Variants in CERS3 observed in about 807,000 individuals in gnomAD.
CERS3 encodes the protein ceramide synthase 3, also known as LAG1 homolog, ceramide synthase 3.
Under a neutral mutation model 50.3 loss-of-function variants are expected in CERS3, and 33 were observed. The observed-to-expected ratio is 0.66, with a 90% CI of 0.50 to 0.88. The LOEUF is 0.88. CERS3 is among the 40% of genes least tolerant of loss of function. The pLI, the probability that CERS3 is intolerant of heterozygous loss-of-function variation, is 0.00. For missense variants in CERS3, 470 were observed against 460.3 expected, an observed-to-expected ratio of 1.02 and a Z score of -0.19; for synonymous variants, 176 against 155.2, an observed-to-expected ratio of 1.13 and a Z score of -0.99.
chr15:100,517,803 G>C (rs1480751907), intron 2 of CERS3, among the ~76,000 whole-genome samples: 1 of 152,190 alleles, frequency 6.6e-6, no homozygotes, highest in African/African-American at 2.4e-5. Context: ...GTGGGGTGCA[G>C]TGGGTGTGAG....
chr15:100,521,901 G>C (rs1381000248), intron 1 of CERS3, 145 bp from the exon 2 acceptor site: 1 of 152,166 alleles, frequency 6.6e-6, no homozygotes, highest in East Asian at 1.9e-4. Context: ...CTACCAATCA[G>C]TTTGGACTGG....
chr15:100,432,285 C>T (rs2033176089), intron 11 of CERS3, among the ~76,000 whole-genome samples: 1 of 152,108 alleles, frequency 6.6e-6, no homozygotes, highest in Non-Finnish European at 1.5e-5. Flanking sequence ...CACCTGTCAC[C>T]AAATGTCAGG....
intron 11 of CERS3, among the ~76,000 whole-genome samples, chr15:100,448,606 A>T (rs1313404809): frequency 6.6e-6 from 1 of 152,228 alleles, no homozygotes; most frequent in Non-Finnish European, 1.5e-5. Flanking sequence ...GCACAGTGCC[A>T]TTTTGAGAGC....
chr15:100,484,240 A>AT lies in CERS3; in HGVS notation c.407+309dup, dbSNP rs71665897. Among the ~76,000 whole-genome samples, 157 of 152,056 alleles carry AT rather than the reference A, an allele frequency of 1.0e-3. 1 individual carries two copies. Among genetic ancestry groups the AT allele is most frequent in the South Asian group, 8.7e-3 (42 of 4,818 alleles). ...AAACACCAGTTAAGACATTTTTATG[A>AT]TTTTTTCTGGGTTTCAGGCTGAGTA... On this transcript the variant is annotated intron_variant, in intron 5 of 11. Coordinates refer to ENST00000679737, the MANE Select transcript of CERS3 (RefSeq NM_001378789.1).
At chr15:100,441,581 A>G (rs1318205893) in intron 11 of CERS3, among the ~76,000 whole-genome samples, 3 of 152,016 alleles carry the variant, frequency 2.0e-5, no homozygotes, top group East Asian at 3.9e-4. Flanking sequence ...TGTGTTCTCA[A>G]AAACCTAAAA....
chr15:100,408,362 G>A (rs920344533), intron 11 of CERS3, among the ~76,000 whole-genome samples: 1 of 152,148 alleles, frequency 6.6e-6, no homozygotes, highest in African/African-American at 2.4e-5. Flanking sequence ...AGCTGTATCA[G>A]TCTGCACTTG....
At chr15:100,455,353 G>GT (rs2034331567) in intron 11 of CERS3, among the ~76,000 whole-genome samples, 1 of 152,078 alleles carries the variant, frequency 6.6e-6, no homozygotes, top group African/African-American at 2.4e-5. Context: ...TGCATAATAG[G>GT]TAAAAACTTA....
intron 11 of CERS3, among the ~76,000 whole-genome samples, chr15:100,452,085 A>G (rs80209540): frequency 2.0e-5 from 3 of 152,190 alleles, no homozygotes; most frequent in East Asian, 3.8e-4. Flanking sequence ...GAATATTTAT[A>G]AAGAAACATT....
At chr15:100,529,556 C>A (rs1024373683), upstream of CERS3, among the ~76,000 whole-genome samples, 1 of 152,172 alleles carries the variant, frequency 6.6e-6, no homozygotes, top group African/African-American at 2.4e-5. Context: ...GACAGACAAG[C>A]TCATTAGTAT....
chr15:100,407,622 T>C (rs1007733267), intron 11 of CERS3, among the ~76,000 whole-genome samples: 1 of 152,206 alleles, frequency 6.6e-6, no homozygotes, highest in African/African-American at 2.4e-5. Context: ...GACTATACAG[T>C]TTGCCCTCCA....
chr15:100,491,056 G>T (rs1653454843), intron 3 of CERS3, 125 bp from the exon 4 acceptor site: 3 of 598,286 alleles, frequency 5.0e-6, no homozygotes, highest in African/African-American at 1.9e-5. Context: ...TGACACTGGG[G>T]CTACGTACAG....
At chr15:100,417,371 G>A (rs540073356) in intron 11 of CERS3, among the ~76,000 whole-genome samples, 2 of 152,200 alleles carry the variant, frequency 1.3e-5, no homozygotes, top group Admixed American at 6.5e-5. Context: ...GCGCTTTTCC[G>A]ACGGGCTTAA....
At chr15:100,411,496 C>T (rs2031488306) in intron 11 of CERS3, among the ~76,000 whole-genome samples, 1 of 152,034 alleles carries the variant, frequency 6.6e-6, no homozygotes, top group Admixed American at 6.6e-5. Context: ...AATAATATTC[C>T]ATGGTGTGCA....
intron 11 of CERS3, among the ~76,000 whole-genome samples, chr15:100,450,919 G>T (rs906887516): frequency 6.6e-6 from 1 of 151,906 alleles, no homozygotes; most frequent in Non-Finnish European, 1.5e-5. Context: ...GGGGAGGGGG[G>T]GAACCTGTTA....
At chr15:100,421,639 C>A (rs1414299121) in intron 11 of CERS3, among the ~76,000 whole-genome samples, 1 of 149,256 alleles carries the variant, frequency 6.7e-6, no homozygotes, top group Non-Finnish European at 1.5e-5. Context: ...AATCCTAAGC[C>A]AAAAGAACAA....
chr15:100,403,097 A>C (rs2030685315), intron 11 of CERS3, among the ~76,000 whole-genome samples: 1 of 152,244 alleles, frequency 6.6e-6, no homozygotes, highest in Non-Finnish European at 1.5e-5. Context: ...TTAAGCTAGA[A>C]ACCAATATCA....
intron 11 of CERS3, among the ~76,000 whole-genome samples, chr15:100,435,729 C>A (rs1038174769): frequency 6.6e-6 from 1 of 152,128 alleles, no homozygotes; most frequent in Non-Finnish European, 1.5e-5. Context: ...ATCCATCTGA[C>A]AAAGGTCTAA....
chr15:100,498,386 G>T (rs936626405), intron 3 of CERS3, among the ~76,000 whole-genome samples: 1 of 152,070 alleles, frequency 6.6e-6, no homozygotes, highest in Admixed American at 6.5e-5. Context: ...TTGATAAATT[G>T]AACTGAAGAG....
chr15:100,463,428 T>C, intron 10 of CERS3, among the ~76,000 whole-genome samples: 1 of 91,366 alleles, frequency 1.1e-5, no homozygotes, highest in Non-Finnish European at 2.1e-5. Flanking sequence ...AGTGAGACTC[T>C]GTCTCAGAAA....
Sources: gnomAD v4.1 joint callset for allele counts (sites outside exome capture counted in the v4.1 genomes callset) on GRCh38, gnomAD v4.1.1 for gene constraint, MANE v1.5 for transcripts, NCBI Gene and HGNC (gene_info 2026-07-23, HGNC 2026-07-21) for gene names.